BNC2: variants seen among roughly 807,000 people sequenced by gnomAD.
BNC2 encodes the protein zinc finger protein basonuclin-2.
Under a neutral mutation model 76.3 loss-of-function variants are expected in BNC2, and 20 were observed. That is an observed-to-expected ratio of 0.26 (90% CI 0.18 to 0.38). The LOEUF is 0.38. Among genes scored for constraint, BNC2 ranks in the 10% least tolerant of loss-of-function variants. The pLI, the probability that BNC2 is intolerant of heterozygous loss-of-function variation, is 1.00. For missense variants in BNC2, 1,382 were observed against 1,399.8 expected (o/e 0.99, Z 0.20); for synonymous variants, 582 against 514.8 (o/e 1.13, Z -1.77).
chr9:16,580,967 G>A (rs996659726), intron 4 of BNC2, among the ~76,000 whole-genome samples: 13 of 152,242 alleles, frequency 8.5e-5, no homozygotes, highest in African/African-American at 3.1e-4. Flanking sequence ...CCTCAGAACA[G>A]TCTACAACCA....
chr9:16,604,010 A>C (rs1820312777), intron 3 of BNC2, among the ~76,000 whole-genome samples: 2 of 152,204 alleles, frequency 1.3e-5, no homozygotes, highest in South Asian at 4.1e-4. Flanking sequence ...ATAAAACTTT[A>C]CATGAGTTTG....
chr9:16,442,896 A>C (rs1821156782), intron 5 of BNC2, among the ~76,000 whole-genome samples: 1 of 151,978 alleles, frequency 6.6e-6, no homozygotes, highest in Non-Finnish European at 1.5e-5. Flanking sequence ...ACCTGGGGTC[A>C]GGAATTCAAG....
At chr9:16,503,407 C>G (rs1822561786) in intron 5 of BNC2, among the ~76,000 whole-genome samples, 1 of 149,650 alleles carries the variant, frequency 6.7e-6, no homozygotes, top group African/African-American at 2.6e-5. Flanking sequence ...CACAATCCAT[C>G]TAACTTTTTT....
At chr9:16,519,035 T>G (rs374254253) in intron 5 of BNC2, among the ~76,000 whole-genome samples, 1 of 152,234 alleles carries the variant, frequency 6.6e-6, no homozygotes, top group South Asian at 2.1e-4. Flanking sequence ...CTTGCCAGAA[T>G]TGTCAGATTA....
At chr9:16,754,426 T>A (rs781767562) in intron 1 of BNC2, among the ~76,000 whole-genome samples, 29 of 152,202 alleles carry the variant, frequency 1.9e-4, no homozygotes, top group Non-Finnish European at 3.5e-4. Context: ...CTGTCCGATA[T>A]AATAAAGAGC....
chr9:16,449,792 G>C (rs1333909334), intron 5 of BNC2, among the ~76,000 whole-genome samples: 1 of 150,758 alleles, frequency 6.6e-6, no homozygotes, highest in African/African-American at 2.4e-5. Flanking sequence ...AATGGAAATG[G>C]GGGTGAATGG....
chr9:16,853,563 C>T (rs113703380), intron 1 of BNC2, among the ~76,000 whole-genome samples: 3 of 152,254 alleles, frequency 2.0e-5, no homozygotes, highest in African/African-American at 7.2e-5. Flanking sequence ...ATTTCAGACA[C>T]ATTTTCAAAT....
chr9:16,442,312 C>T (rs1927624), intron 5 of BNC2, among the ~76,000 whole-genome samples: 10,393 of 152,192 alleles, frequency 0.068, 364 homozygotes, highest in Middle Eastern at 0.13. Flanking sequence ...AATATTTACA[C>T]CTACACATTT....
chr9:16,678,648 C>CTTTT (rs79994792), intron 3 of BNC2, among the ~76,000 whole-genome samples: 41 of 135,170 alleles, frequency 3.0e-4, no homozygotes, highest in African/African-American at 9.5e-4. Context: ...GTAACAGTCT[C>CTTTT]TTTTTTTTTT....
At chr9:16,577,651 T>C (rs1378713469) in intron 4 of BNC2, among the ~76,000 whole-genome samples, 1 of 152,168 alleles carries the variant, frequency 6.6e-6, no homozygotes, top group Non-Finnish European at 1.5e-5. Context: ...CTGGCTTAAT[T>C]AGTAAATAAT....
chr9:16,696,207 C>G (rs1823333087), intron 3 of BNC2, among the ~76,000 whole-genome samples: 1 of 152,188 alleles, frequency 6.6e-6, no homozygotes, highest in African/African-American at 2.4e-5. Flanking sequence ...TCTCCTAGAT[C>G]ATGTTTATAG....
At chr9:16,690,742 G>A (rs891917788) in intron 3 of BNC2, among the ~76,000 whole-genome samples, 1 of 152,168 alleles carries the variant, frequency 6.6e-6, no homozygotes, top group Admixed American at 6.5e-5. Flanking sequence ...TCATCTCAGA[G>A]CAATGAACTA....
chr9:16,764,923 G>A (rs976557202), intron 1 of BNC2, among the ~76,000 whole-genome samples: 2 of 151,452 alleles, frequency 1.3e-5, no homozygotes, highest in Admixed American at 1.3e-4. Context: ...GAGGAGGGAT[G>A]GGGAAGAAGG....
chr9:16,537,326 C>G (rs528372157), intron 5 of BNC2, among the ~76,000 whole-genome samples: 9 of 152,114 alleles, frequency 5.9e-5, no homozygotes, highest in Non-Finnish European at 1.0e-4. Context: ...ACTCGAAACA[C>G]TATAGTATTA....
chr9:16,770,011 G>A (rs974534277), intron 1 of BNC2, among the ~76,000 whole-genome samples: 2 of 152,146 alleles, frequency 1.3e-5, no homozygotes, highest in Admixed American at 1.3e-4. Flanking sequence ...CTAACCTACA[G>A]CCTACGGTTT....
intron 5 of BNC2, among the ~76,000 whole-genome samples, chr9:16,453,463 A>T (rs1206888843): frequency 6.6e-6 from 1 of 152,142 alleles, no homozygotes; most frequent in Non-Finnish European, 1.5e-5. Context: ...AGAGAGTTTC[A>T]TATACCTATC....
chr9:16,613,771 T>G (rs1271672448), intron 3 of BNC2, among the ~76,000 whole-genome samples: 1 of 152,096 alleles, frequency 6.6e-6, no homozygotes, highest in Non-Finnish European at 1.5e-5. Context: ...CTATGACAAT[T>G]CCCTGGGATT....
intron 5 of BNC2, among the ~76,000 whole-genome samples, chr9:16,438,823 G>A (rs1039676712): frequency 6.6e-6 from 1 of 151,928 alleles, no homozygotes; most frequent in African/African-American, 2.4e-5. Context: ...TAGAAATCAC[G>A]CCATCATGTT....
At chr9:16,845,507 G>C (rs1328638933) in intron 1 of BNC2, among the ~76,000 whole-genome samples, 2 of 151,976 alleles carry the variant, frequency 1.3e-5, no homozygotes, top group African/African-American at 4.8e-5. Context: ...GGATCACAAG[G>C]TCAGGAGATC....
Sources: gnomAD v4.1 joint callset for allele counts (sites outside exome capture counted in the v4.1 genomes callset) on GRCh38, gnomAD v4.1.1 for gene constraint, MANE v1.5 for transcripts, NCBI Gene and HGNC (gene_info 2026-07-23, HGNC 2026-07-21) for gene names.